Variants in KCNAB1 observed in about 807,000 individuals in gnomAD.
KCNAB1 encodes the protein voltage-gated potassium channel subunit beta-1.
KCNAB1 carries 35 observed loss-of-function variants against 64.6 expected under a neutral mutation model. The observed-to-expected ratio is 0.54, with a 90% CI of 0.41 to 0.72. KCNAB1 has a LOEUF of 0.72. Among genes scored for constraint, KCNAB1 ranks in the 30% least tolerant of loss-of-function variants. The pLI, the probability that KCNAB1 is intolerant of heterozygous loss-of-function variation, is 0.00. For missense variants in KCNAB1, 401 were observed against 512.9 expected, an observed-to-expected ratio of 0.78 and a Z score of 2.11; for synonymous variants, 177 against 183.8, an observed-to-expected ratio of 0.96 and a Z score of 0.30.
intron 1 of KCNAB1, among the ~76,000 whole-genome samples, chr3:156,142,525 T>C (rs1036907105): frequency 1.3e-5 from 2 of 152,226 alleles, no homozygotes; most frequent in Admixed American, 6.5e-5. Flanking sequence ...CACCATTTGA[T>C]GGAAAAGCTA....
chr3:156,394,176 C>G (rs1181516703), intron 1 of KCNAB1, among the ~76,000 whole-genome samples: 1 of 152,178 alleles, frequency 6.6e-6, no homozygotes, highest in Non-Finnish European at 1.5e-5. Context: ...AGTTGTCTTA[C>G]AGAGACAGGA....
intron 1 of KCNAB1, among the ~76,000 whole-genome samples, chr3:156,146,765 A>G (rs1715061774): frequency 1.3e-5 from 2 of 152,234 alleles, no homozygotes. Context: ...TGAATTTTAT[A>G]GTTTTTGCAT....
At chr3:156,291,922 A>T in intron 1 of KCNAB1, 1 of 1,614,160 alleles carries the variant, frequency 6.2e-7, no homozygotes, top group Non-Finnish European at 8.5e-7. Flanking sequence ...AAGTCTCCAT[A>T]GCCTGCACAG....
chr3:156,244,928 T>C (rs1053554675), intron 1 of KCNAB1, among the ~76,000 whole-genome samples: 1 of 152,216 alleles, frequency 6.6e-6, no homozygotes, highest in Non-Finnish European at 1.5e-5. Context: ...CTTTGCATTA[T>C]CGCCTCTAGA....
chr3:156,195,126 T>C (rs1352214410), intron 1 of KCNAB1, among the ~76,000 whole-genome samples: 1 of 152,256 alleles, frequency 6.6e-6, no homozygotes, highest in Non-Finnish European at 1.5e-5. Context: ...TATCCTTTTT[T>C]ATGGCTGCAT....
chr3:156,519,094 G>A lies in KCNAB1; in HGVS notation c.960+2730G>A, dbSNP rs370385155. Among the ~76,000 whole-genome samples, 19 of 152,308 alleles carry A rather than the reference G, an allele frequency of 1.2e-4. No homozygotes were observed. In the East Asian group the frequency reaches 2.5e-3, roughly 20 times the overall value. On this transcript the variant is annotated intron_variant, in intron 11 of 13. Transcript: ENST00000490337. ...AAGATCCATCTTGTGCACAGCCCTT[G>A]TTTGGATCTTCACCATTTCTTACAA...
rs73164740 is a variant in KCNAB1 at position 156,408,362 on chromosome 3, G to A, written c.276-13254G>A. ...TCCTTGCCATCTCTGCAACCTGCTG[G>A]ATGTGCGGGACCCTGGCGCATTACC... On this transcript the variant is annotated intron_variant, in intron 1 of 13. Transcript: ENST00000490337. 7.6e-3 allele frequency among the ~76,000 whole-genome samples: 1,155 copies of A among 152,278 alleles called. 5 individuals carry two copies. The highest frequency in any genetic ancestry group is 0.013 in the Non-Finnish European group (891 of 68,020).
chr3:156,342,511 A>C (rs1314624929), intron 1 of KCNAB1, among the ~76,000 whole-genome samples: 1 of 149,986 alleles, frequency 6.7e-6, no homozygotes, highest in Non-Finnish European at 1.5e-5. Flanking sequence ...AGAGCTGCAC[A>C]CCCAGAGATT....
chr3:156,374,877 G>A (rs1711540582), intron 1 of KCNAB1, among the ~76,000 whole-genome samples: 1 of 136,054 alleles, frequency 7.4e-6, no homozygotes, highest in African/African-American at 3.3e-5. Context: ...TGCCTAGCAC[G>A]ATGTTCTGAA....
intron 1 of KCNAB1, among the ~76,000 whole-genome samples, chr3:156,240,658 CACTT>C (rs1284276859): frequency 1.3e-5 from 2 of 152,222 alleles, no homozygotes; most frequent in Non-Finnish European, 2.9e-5. Context: ...CGCTTCTCCT[CACTT>C]ATTCTCCTGG....
At chr3:156,307,339 A>C (rs184392019) in intron 1 of KCNAB1, among the ~76,000 whole-genome samples, 257 of 147,248 alleles carry the variant, frequency 1.7e-3, no homozygotes, top group African/African-American at 6.2e-3. Context: ...GAAAACCAGG[A>C]ACTTCTTAAG....
At chr3:156,534,797 T>C (rs1255253369) in intron 13 of KCNAB1, among the ~76,000 whole-genome samples, 1 of 152,224 alleles carries the variant, frequency 6.6e-6, no homozygotes, top group Non-Finnish European at 1.5e-5. Context: ...GCAAAACTAG[T>C]AGCCTGTGGG....
At chr3:156,327,072 T>C (rs1723011524) in intron 1 of KCNAB1, among the ~76,000 whole-genome samples, 1 of 152,140 alleles carries the variant, frequency 6.6e-6, no homozygotes, top group South Asian at 2.1e-4. Flanking sequence ...CTACACCAAA[T>C]TAAACATATT....
At chr3:156,446,363 T>C (rs749404348) in intron 2 of KCNAB1, among the ~76,000 whole-genome samples, 18 of 152,228 alleles carry the variant, frequency 1.2e-4, no homozygotes, top group Non-Finnish European at 2.9e-5. Context: ...ACTATACAAC[T>C]GAGACATTGA....
intron 1 of KCNAB1, among the ~76,000 whole-genome samples, chr3:156,296,135 T>C (rs1264843319): frequency 6.6e-6 from 1 of 152,242 alleles, no homozygotes; most frequent in Non-Finnish European, 1.5e-5. Flanking sequence ...CAACCATACA[T>C]GATAGATTTA....
chr3:156,295,256 G>A (rs1312651481), intron 1 of KCNAB1, among the ~76,000 whole-genome samples: 1 of 152,146 alleles, frequency 6.6e-6, no homozygotes, highest in Non-Finnish European at 1.5e-5. Flanking sequence ...TTGTGCGTAT[G>A]TCTGCCACCC....
intron 1 of KCNAB1, among the ~76,000 whole-genome samples, chr3:156,282,512 G>C (rs1719788821): frequency 6.6e-6 from 1 of 150,882 alleles, no homozygotes; most frequent in Admixed American, 6.6e-5. Context: ...TTCAATTCCT[G>C]GGTATCCTTG....
At chr3:156,453,240 CTTTA>C (rs766429236) in intron 3 of KCNAB1, 37 of 229,700 alleles carry the variant, frequency 1.6e-4, no homozygotes, top group African/African-American at 3.8e-4. Context: ...TGTTGTTTTG[CTTTA>C]TTTGTTTGTT....
intron 11 of KCNAB1, among the ~76,000 whole-genome samples, chr3:156,518,753 C>A (rs1717736809): frequency 6.6e-6 from 1 of 152,008 alleles, no homozygotes. Context: ...TTTTCTGGGC[C>A]CCCTCCTCTG....
Sources: allele counts gnomAD v4.1 joint callset (sites outside exome capture counted in the v4.1 genomes callset), GRCh38; gene constraint gnomAD v4.1.1; transcripts MANE v1.5; gene names NCBI Gene and HGNC (gene_info 2026-07-23, HGNC 2026-07-21).